The following INTS7 variants were observed in gnomAD, a reference collection of about 807,000 sequenced individuals.
INTS7 encodes integrator complex subunit 7, also known as chromosome 1 open reading frame 73.
Under a neutral mutation model 109.2 loss-of-function variants are expected in INTS7, and 46 were observed. The ratio of observed to expected loss-of-function variants is 0.42; its 90% CI spans 0.33 to 0.54. The LOEUF is 0.54. INTS7 is among the 20% of genes least tolerant of loss of function. The pLI, the probability that INTS7 is intolerant of heterozygous loss-of-function variation, is 0.07. For missense variants in INTS7, 929 were observed against 1,132.4 expected, an observed-to-expected ratio of 0.82 and a Z score of 2.58; for synonymous variants, 412 against 402.9, an observed-to-expected ratio of 1.02 and a Z score of -0.27.
chr1:211,987,775 T>G (rs991363459), intron 8 of INTS7, 111 bp downstream of exon 8: 3 of 547,520 alleles, frequency 5.5e-6, no homozygotes, highest in African/African-American at 3.9e-5. Flanking sequence ...CAATGGAGTA[T>G]GAGATTTTTT....
chr1:212,013,041 TAC>T (rs1176479415), intron 4 of INTS7, among the ~76,000 whole-genome samples: 1 of 152,208 alleles, frequency 6.6e-6, no homozygotes, highest in East Asian at 1.9e-4. Flanking sequence ...TCAATAAAAG[TAC>T]AGTCATGTGC....
intron 7 of INTS7, among the ~76,000 whole-genome samples, chr1:211,992,722 C>T (rs1421199854): frequency 3.9e-5 from 6 of 152,056 alleles, no homozygotes; most frequent in South Asian, 4.2e-4. Flanking sequence ...CTGATTTAAA[C>T]GTTCATTAAT....
intron 7 of INTS7, among the ~76,000 whole-genome samples, chr1:212,002,310 C>T (rs1270554537): frequency 6.6e-6 from 1 of 152,216 alleles, no homozygotes. Flanking sequence ...AATGTTCTCC[C>T]GGCTTCTGCC....
chr1:212,033,328 A>G (rs1406048890), intron 1 of INTS7, among the ~76,000 whole-genome samples: 1 of 152,238 alleles, frequency 6.6e-6, no homozygotes, highest in African/African-American at 2.4e-5. Flanking sequence ...TATTTCTATA[A>G]CTTAATTTCC....
At chr1:211,976,498 T>G in intron 12 of INTS7, 84 bp downstream of exon 12, 1 of 1,255,634 alleles carries the variant, frequency 8.0e-7, no homozygotes. Context: ...TTTTTAGTTT[T>G]GACTACAACT....
intron 8 of INTS7, among the ~76,000 whole-genome samples, chr1:211,983,233 T>A (rs781124196): frequency 1.3e-5 from 2 of 152,130 alleles, no homozygotes; most frequent in Non-Finnish European, 2.9e-5. Context: ...CTCAGATTGC[T>A]GACACACATT....
intron 16 of INTS7, among the ~76,000 whole-genome samples, chr1:211,961,344 C>T (rs1405612876): frequency 1.3e-5 from 2 of 151,402 alleles, no homozygotes; most frequent in Non-Finnish European, 1.5e-5. Context: ...AGGCCACCTA[C>T]AAAGGGAAGT....
intron 16 of INTS7, among the ~76,000 whole-genome samples, chr1:211,955,695 A>T (rs541291687): frequency 1.1e-4 from 17 of 152,354 alleles, no homozygotes; most frequent in Admixed American, 1.3e-4. Flanking sequence ...CATTTCAGCC[A>T]GGTATTTTAC....
chr1:212,018,249 A>AC (rs1553253756), intron 3 of INTS7, among the ~76,000 whole-genome samples: 1 of 151,458 alleles, frequency 6.6e-6, no homozygotes, highest in African/African-American at 2.4e-5. Context: ...TTTCAATCTA[A>AC]TTTTTTTTTC....
intron 16 of INTS7, among the ~76,000 whole-genome samples, chr1:211,964,643 TAGAG>T: frequency 6.6e-6 from 1 of 152,006 alleles, no homozygotes; most frequent in East Asian, 1.9e-4. Flanking sequence ...TGGAATAGAA[TAGAG>T]AGCCCAGAAA....
At chr1:211,962,483 T>G (rs1424784039) in intron 16 of INTS7, among the ~76,000 whole-genome samples, 2 of 152,048 alleles carry the variant, frequency 1.3e-5, no homozygotes, top group African/African-American at 4.8e-5. Context: ...GGCAGAAAAT[T>G]ACAAAGATAT....
intron 8 of INTS7, among the ~76,000 whole-genome samples, chr1:211,985,307 T>TTAGTGATG (rs1262065570): frequency 6.6e-6 from 1 of 152,216 alleles, no homozygotes; most frequent in Non-Finnish European, 1.5e-5. Flanking sequence ...GAGCCATTTG[T>TTAGTGATG]TAGTGATGAT....
intron 5 of INTS7, among the ~76,000 whole-genome samples, chr1:212,008,609 G>A (rs951840167): frequency 3.9e-5 from 6 of 152,106 alleles, no homozygotes; most frequent in African/African-American, 9.7e-5. Flanking sequence ...GACGTCAGAC[G>A]CATGTATCTC....
In INTS7 at chr1:211,981,218, T is replaced by TG. The variant is rs757744499; in HGVS notation, c.1133-29dup. On this transcript the variant is annotated intron_variant, in intron 9 of 19. Transcript: ENST00000366994. ...AGAAGAAAAACAGTAAACTTTATGA[T>TG]GGTCAAGTGATGTGTGTACAAACAC... The TG allele has an allele frequency of 2.8e-4, 397 of 1,428,366 alleles. 1 individual carries two copies. The highest frequency in any genetic ancestry group is 3.7e-4 in the Non-Finnish European group (373 of 1,011,386). 88.5% of individuals were successfully genotyped at this position (1,428,366 alleles called of 1,614,324 possible).
intron 16 of INTS7, among the ~76,000 whole-genome samples, chr1:211,954,578 G>T (rs2102391934): frequency 6.6e-6 from 1 of 152,308 alleles, no homozygotes; most frequent in African/African-American, 2.4e-5. Flanking sequence ...TTTGTATAAG[G>T]TGTAAGGAAG....
chr1:211,956,729 G>T (rs891887460), intron 16 of INTS7, among the ~76,000 whole-genome samples: 1 of 152,014 alleles, frequency 6.6e-6, no homozygotes, highest in Non-Finnish European at 1.5e-5. Context: ...CGGAGGGCAC[G>T]CATGGTTTCT....
intron 13 of INTS7, among the ~76,000 whole-genome samples, chr1:211,973,120 T>G (rs991134977): frequency 6.6e-6 from 1 of 152,116 alleles, no homozygotes; most frequent in Admixed American, 6.5e-5. Flanking sequence ...CTGGCTAATT[T>G]TTTTTTGTAG....
At chr1:211,968,032 A>C in intron 14 of INTS7, 51 bp from the exon 15 acceptor site, 1 of 977,704 alleles carries the variant, frequency 1.0e-6, no homozygotes. Context: ...ATTATTGTAT[A>C]AACAACACAA....
chr1:211,963,851 TAA>T (rs1201139728), intron 16 of INTS7, among the ~76,000 whole-genome samples: 6 of 151,516 alleles, frequency 4.0e-5, no homozygotes, highest in African/African-American at 9.7e-5. Context: ...CTCAAAATAA[TAA>T]GAGTCACCTA....
Sources: allele counts gnomAD v4.1 joint callset (sites outside exome capture counted in the v4.1 genomes callset), GRCh38; gene constraint gnomAD v4.1.1; transcripts MANE v1.5; gene names NCBI Gene and HGNC (gene_info 2026-07-23, HGNC 2026-07-21).